DGKH: variants seen among roughly 807,000 people sequenced by gnomAD.
DGKH encodes the protein DAG kinase eta.
A neutral mutation model predicts 159.3 loss-of-function variants in DGKH; 90 were observed. The observed-to-expected ratio is 0.57, with a 90% CI of 0.48 to 0.67. DGKH has a LOEUF of 0.67. DGKH is among the 30% of genes least tolerant of loss of function. DGKH has a pLI of 0.00. For missense variants in DGKH, 1,181 were observed against 1,506.1 expected, an observed-to-expected ratio of 0.78 and a Z score of 3.57; for synonymous variants, 536 against 553.8, an observed-to-expected ratio of 0.97 and a Z score of 0.45.
chr13:42,255,762 C>G, intron 30 of DGKH: 1 of 450,832 alleles, frequency 2.2e-6, no homozygotes, highest in South Asian at 5.5e-5. Flanking sequence ...GCGAACTTCT[C>G]AGAAGAAAAT....
chr13:42,146,174 G>T (rs1955726390), intron 3 of DGKH, among the ~76,000 whole-genome samples: 2 of 63,858 alleles, frequency 3.1e-5, no homozygotes, highest in East Asian at 3.7e-4. Context: ...TTTTTGTACA[G>T]GTAAAGTATT....
At position 42,240,285 on chromosome 13, in the gene DGKH, A is replaced by T. The variant is rs1383691798; in HGVS notation, c.*11097A>T. On this transcript the variant is annotated 3_prime_UTR_variant, in exon 30 of 30. Coordinates refer to ENST00000337343, the MANE Select transcript of DGKH (RefSeq NM_178009.5). Reference sequence around the variant, plus strand: ...ATGAGCATGTGTGCACTCTGGGCAAACCAACAGAAGATAAACAGCAAGGAA... The same window carrying T: ...ATGAGCATGTGTGCACTCTGGGCAATCCAACAGAAGATAAACAGCAAGGAA... 1.3e-5 allele frequency: 2 copies of T among 152,366 alleles called. No individual in the cohort carries two copies. The highest frequency in any genetic ancestry group is 3.9e-4 in the East Asian group (2 of 5,192). 9.4% of individuals were successfully genotyped at this position (152,366 alleles called of 1,614,324 possible).
chr13:42,046,955 T>C (rs1371633259), upstream of DGKH, among the ~76,000 whole-genome samples: 1 of 152,246 alleles, frequency 6.6e-6, no homozygotes, highest in Admixed American at 6.5e-5. Context: ...ATATTGGACT[T>C]GTCCATGACC....
intron 18 of DGKH, 72 bp from the exon 19 acceptor site, chr13:42,199,494 T>C (rs994765167): frequency 2.8e-6 from 3 of 1,081,672 alleles, no homozygotes; most frequent in African/African-American, 3.2e-5. Flanking sequence ...TTAAGTACTA[T>C]CTTGTGTACA....
In DGKH at chr13:42,073,381, T is replaced by A. The variant is rs182444860; in HGVS notation, c.192+24416T>A. ...TACAGATATACAGATGGTCTTTGAC[T>A]TTTGATGGTTTGACTTAAGATTTTT... On this transcript the variant is annotated intron_variant, in intron 1 of 29. Transcript: ENST00000337343. Among the ~76,000 whole-genome samples, 73 of 152,318 alleles carry A rather than the reference T, an allele frequency of 4.8e-4. 1 individual carries two copies. The highest frequency in any genetic ancestry group is 2.5e-3 in the Admixed American group (39 of 15,298).
intron 2 of DGKH, among the ~76,000 whole-genome samples, chr13:42,127,870 A>G (rs181638303): frequency 5.6e-4 from 86 of 152,318 alleles, no homozygotes; most frequent in African/African-American, 1.9e-3. Context: ...TAGATGTAAT[A>G]AACGCAACAT....
intron 25 of DGKH, among the ~76,000 whole-genome samples, chr13:42,215,155 A>G (rs553667416): frequency 7.1e-6 from 1 of 140,358 alleles, no homozygotes; most frequent in African/African-American, 2.7e-5. Context: ...GAAAACTGAT[A>G]GCGTTTTTTT....
chr13:42,067,221 C>A (rs560673874), intron 1 of DGKH, among the ~76,000 whole-genome samples: 1 of 151,904 alleles, frequency 6.6e-6, no homozygotes, highest in South Asian at 2.1e-4. Flanking sequence ...GAATCAAATG[C>A]GTGTTAAACT....
chr13:42,239,018 G>T lies in DGKH; in HGVS notation c.*9830G>T, dbSNP rs1471944871. On this transcript the variant is annotated 3_prime_UTR_variant, in exon 30 of 30. Coordinates refer to ENST00000337343, the MANE Select transcript of DGKH (RefSeq NM_178009.5). ...TTGGAGTTCATCACCGTGGAATTTT[G>T]ATCTGTCTTAATGACACAACTTAAT... 1 of 152,076 alleles carries T rather than the reference G, an allele frequency of 6.6e-6. No individual in the cohort carries two copies. Among genetic ancestry groups the T allele is most frequent in the Non-Finnish European group, 1.5e-5 (1 of 67,980 alleles). The allele number at this position is 152,076 out of a possible 1,614,324, so 9.4% of individuals were successfully genotyped here. A position where few individuals can be genotyped will look rare whatever the true frequency, so the allele number is the denominator to read the frequency against.
At position 42,194,987 on chromosome 13, in the gene DGKH, C is replaced by A; in HGVS notation, c.2138C>A (p.Pro713His). ...PAVAASKENL[P>H]VLNTRIICPG... The stretch of plus-strand genomic sequence containing the variant: ...GTGGCAGCCAGCAAAGAAAACCTCC[C>A]TGTGCTCAATACCAGAATAATCTGC... Residue 713 changes from proline to histidine, a missense_variant, in exon 17 of 30, where the codon CCT (proline) becomes CAT (histidine). Physicochemically the swap from Pro to His is moderately conservative, Grantham distance 77. Transcript: ENST00000337343. 1 of 1,614,054 alleles carries A rather than the reference C, an allele frequency of 6.2e-7. No homozygotes were observed. The highest frequency in any genetic ancestry group is 8.5e-7 in the Non-Finnish European group (1 of 1,179,942).
Position 42,195,035 on chromosome 13 carries a change from C to A in DGKH, c.2167+19C>A. 6.2e-7 allele frequency: 1 copy of A among 1,605,606 alleles called. No individual in the cohort carries two copies. Among genetic ancestry groups the A allele is most frequent in the Non-Finnish European group, 8.5e-7 (1 of 1,177,540 alleles). Reference sequence around the variant, plus strand: ...TGCCCAGGTAGTACAGATTCTGAAACATCGTGTATTTTTCAGTATTTCTGT... The same window carrying A: ...TGCCCAGGTAGTACAGATTCTGAAAAATCGTGTATTTTTCAGTATTTCTGT... On this transcript the variant is annotated intron_variant, in intron 17 of 29. Transcript: ENST00000337343.
intron 1 of DGKH, among the ~76,000 whole-genome samples, chr13:42,113,898 A>G (rs553405572): frequency 6.6e-6 from 1 of 152,248 alleles, no homozygotes; most frequent in East Asian, 1.9e-4. Context: ...AGGCTTTAGG[A>G]TGGGGTAAAA....
intron 4 of DGKH, 89 bp from the exon 5 acceptor site, chr13:42,155,578 T>C (rs1208959948): frequency 6.4e-7 from 1 of 1,573,398 alleles, no homozygotes; most frequent in Middle Eastern, 1.7e-4. Flanking sequence ...ATTTGAAAAT[T>C]TGACCATAAC....
At chr13:42,127,305 A>G (rs755760630) in intron 1 of DGKH, among the ~76,000 whole-genome samples, 158 bp from the exon 2 acceptor site, 3 of 152,212 alleles carry the variant, frequency 2.0e-5, no homozygotes, top group Admixed American at 6.5e-5. Flanking sequence ...GGCTTTGCAC[A>G]TATGCAAAGC....
At chr13:42,191,337 T>C (rs1957059578) in intron 16 of DGKH, among the ~76,000 whole-genome samples, 1 of 152,138 alleles carries the variant, frequency 6.6e-6, no homozygotes, top group South Asian at 2.1e-4. Flanking sequence ...ACAATAGACA[T>C]TGGGGACTAC....
chr13:42,215,230 A>G (rs347403), intron 25 of DGKH, among the ~76,000 whole-genome samples: 40,930 of 151,526 alleles, frequency 0.27, 5,617 homozygotes, highest in Non-Finnish European at 0.29. Flanking sequence ...TCAAGATAAT[A>G]GTCTAAAAAG....
chr13:42,116,207 A>G (rs1452408290), intron 1 of DGKH, among the ~76,000 whole-genome samples: 1 of 152,210 alleles, frequency 6.6e-6, no homozygotes, highest in African/African-American at 2.4e-5. Flanking sequence ...CAGGTTTTGT[A>G]CAGACACCCA....
chr13:42,121,964 A>T (rs1955081892), intron 1 of DGKH, among the ~76,000 whole-genome samples: 1 of 152,174 alleles, frequency 6.6e-6, no homozygotes, highest in Non-Finnish European at 1.5e-5. Flanking sequence ...TCTCATTACT[A>T]ATGACCATTT....
At chr13:42,186,858 T>A (rs1956941423) in intron 13 of DGKH, among the ~76,000 whole-genome samples, 191 bp from the exon 14 acceptor site, 1 of 152,248 alleles carries the variant, frequency 6.6e-6, no homozygotes, top group Admixed American at 6.5e-5. Context: ...TATTCATGTA[T>A]GCATTTATCA....
Sources: allele counts gnomAD v4.1 joint callset (sites outside exome capture counted in the v4.1 genomes callset), GRCh38; gene constraint gnomAD v4.1.1; transcripts MANE v1.5; gene names NCBI Gene and HGNC (gene_info 2026-07-23, HGNC 2026-07-21).